Variants in FAM193A observed in about 807,000 individuals in gnomAD.
FAM193A encodes protein FAM193A.
FAM193A carries 22 observed loss-of-function variants against 126.5 expected under a neutral mutation model. That is an observed-to-expected ratio of 0.17 (90% CI 0.12 to 0.25). The LOEUF (loss-of-function observed/expected upper bound fraction) is 0.25. Ranked by LOEUF, FAM193A falls within the 10% of genes least tolerant of loss-of-function variation. The probability of loss-of-function intolerance (pLI) is 1.00; values close to 1 mark genes in which losing one functional copy is unlikely to be tolerated. For missense variants in FAM193A, 1,675 were observed against 1,672.8 expected (o/e 1.00, Z -0.02); for synonymous variants, 761 against 646.8 (o/e 1.18, Z -2.68).
Position 2,631,113 on chromosome 4 carries a change from G to A in FAM193A, c.982G>A (p.Glu328Lys). The A allele has an allele frequency of 6.2e-7, 1 of 1,613,906 alleles. No individual in the cohort carries two copies. The highest frequency in any genetic ancestry group is 8.5e-7 in the Non-Finnish European group (1 of 1,179,980). ...AHQFISLLLE[E>K]YGALCQAARS... ...CCAGTTCATCTCCCTCCTGCTTGAG[G>A]AGTACGGCGCCCTCTGCCAGGCCGC... is the stretch of plus-strand genomic sequence containing the variant. The change falls in exon 5 of 21, where the codon GAG (glutamate) becomes AAG (lysine). Residue 328 changes from glutamate to lysine, a missense_variant. Physicochemically the swap from Glu to Lys is moderately conservative, Grantham distance 56. Transcript: ENST00000637812.
At chr4:2,677,135 G>A (rs1256955004) in intron 13 of FAM193A, among the ~76,000 whole-genome samples, 1 of 152,058 alleles carries the variant, frequency 6.6e-6, no homozygotes, top group Non-Finnish European at 1.5e-5. Context: ...TATGGTGTTA[G>A]GTAAGGGTCC....
In FAM193A at chr4:2,536,657, C is replaced by G. The variant is rs1441032541; in HGVS notation, c.-259C>G. 13 of 151,298 alleles carry G rather than the reference C, an allele frequency of 8.6e-5. No individual in the cohort carries two copies. The highest frequency in any genetic ancestry group is 3.1e-4 in the African/African-American group (13 of 41,350). 9.4% of individuals were successfully genotyped at this position (151,298 alleles called of 1,614,324 possible). A position where few individuals can be genotyped will look rare whatever the true frequency, so the allele number is the denominator to read the frequency against. ...CCGACGTAAACTGGGATCCCTTTCC[C>G]CTTGTGTCCGCCATATTGGACTCTA... On this transcript the variant is annotated 5_prime_UTR_variant, in exon 1 of 21. Coordinates refer to ENST00000637812, the MANE Select transcript of FAM193A (RefSeq NM_001366318.2).
chr4:2,574,273 G>A (rs1432416134), intron 1 of FAM193A, among the ~76,000 whole-genome samples: 1 of 152,060 alleles, frequency 6.6e-6, no homozygotes, highest in South Asian at 2.1e-4. Flanking sequence ...TGTGGAACAT[G>A]GGGAGTGGAG....
At chr4:2,654,377 A>AC (rs1745962481) in intron 7 of FAM193A, 2 of 90,248 alleles carry the variant, frequency 2.2e-5, no homozygotes, top group African/African-American at 9.5e-5. Context: ...ATGCCTGGCT[A>AC]ATTTTTTTTT....
intron 20 of FAM193A, among the ~76,000 whole-genome samples, chr4:2,717,415 G>C (rs997391590): frequency 6.6e-6 from 1 of 152,030 alleles, no homozygotes; most frequent in Non-Finnish European, 1.5e-5. Flanking sequence ...GGCCAACATG[G>C]TGAAACCCCG....
chr4:2,679,669 C>T (rs1377586208), intron 13 of FAM193A, among the ~76,000 whole-genome samples: 1 of 151,998 alleles, frequency 6.6e-6, no homozygotes. Flanking sequence ...TGAGCCACCG[C>T]GCCCGACCCT....
intron 13 of FAM193A, among the ~76,000 whole-genome samples, chr4:2,682,642 C>T (rs1159623277): frequency 1.3e-5 from 2 of 152,120 alleles, no homozygotes; most frequent in Non-Finnish European, 2.9e-5. Flanking sequence ...GTTTTATCTC[C>T]TCTGTTAGTA....
chr4:2,542,665 T>A (rs1737302503), intron 1 of FAM193A, among the ~76,000 whole-genome samples: 1 of 152,172 alleles, frequency 6.6e-6, no homozygotes, highest in Non-Finnish European at 1.5e-5. Context: ...CAAAACAGTA[T>A]CAACCAGAAA....
chr4:2,549,675 C>A (rs1330527592), intron 1 of FAM193A, among the ~76,000 whole-genome samples: 1 of 151,710 alleles, frequency 6.6e-6, no homozygotes, highest in Admixed American at 6.6e-5. Flanking sequence ...GGATTACAGG[C>A]GTGAGCCACC....
chr4:2,660,170 G>T, intron 10 of FAM193A, 116 bp downstream of exon 10: 1 of 1,130,924 alleles, frequency 8.8e-7, no homozygotes. Context: ...TCATGACAAG[G>T]GACCCTGAGG....
intron 6 of FAM193A, among the ~76,000 whole-genome samples, chr4:2,640,715 A>G (rs1327000162): frequency 2.0e-5 from 3 of 152,106 alleles, no homozygotes; most frequent in East Asian, 1.9e-4. Flanking sequence ...TGTAATTCCA[A>G]CACTTTGGGA....
Position 2,663,225 on chromosome 4 carries a change from C to T in FAM193A, c.2016C>T (p.Ser672=). ...GAPKEDGVLG[S]RSPRTEESKA... ...CGAAGGAAGATGGAGTGCTGGGAAG[C>T]AGGAGCCCCAGGACAGAGGAGAGCA... Residue 672 remains serine, a synonymous_variant, in exon 12 of 21, where the codon AGC becomes AGT. Coordinates refer to ENST00000637812, the MANE Select transcript of FAM193A (RefSeq NM_001366318.2). 6.2e-7 allele frequency: 1 copy of T among 1,614,046 alleles called. No individual in the cohort carries two copies. The highest frequency in any genetic ancestry group is 8.5e-7 in the Non-Finnish European group (1 of 1,180,018).
rs112890338 is a variant in FAM193A, at chr4:2,711,768, A to G, written c.4373-4255A>G. On this transcript the variant is annotated intron_variant, in intron 19 of 20. Transcript: ENST00000637812. The stretch of plus-strand genomic sequence containing the variant: ...GTTCGGAAACCCTGTATCTACTAAA[A>G]ATACAAAAATTAGCTGGACGTGGTG... 2.0e-4 allele frequency among the ~76,000 whole-genome samples: 31 copies of G among 152,084 alleles called. 3 individuals are homozygous for G. The highest frequency in any genetic ancestry group is 7.0e-4 in the African/African-American group (29 of 41,534).
intron 7 of FAM193A, among the ~76,000 whole-genome samples, chr4:2,647,581 A>G (rs1313773290): frequency 1.3e-5 from 2 of 152,182 alleles, no homozygotes; most frequent in Non-Finnish European, 2.9e-5. Flanking sequence ...GGTGGAAGAC[A>G]GAAGAGGGAG....
At chr4:2,618,851 C>T (rs1742367455) in intron 2 of FAM193A, among the ~76,000 whole-genome samples, 1 of 152,034 alleles carries the variant, frequency 6.6e-6, no homozygotes, top group Non-Finnish European at 1.5e-5. Context: ...CACCCTCGGC[C>T]TCCCAAAGTG....
rs183821584 is a variant in FAM193A, at chr4:2,581,382, T to C, written c.256-14702T>C. Among the ~76,000 whole-genome samples the C allele has an allele frequency of 4.0e-3, 604 of 150,930 alleles. 4 individuals are homozygous for C. Among genetic ancestry groups the C allele is most frequent in the African/African-American group, 0.014 (585 of 41,162 alleles). ...AATTCTCCTGCCTCAGCCTCCCGAG[T>C]AGCTGGGATTACAGGTGCATGCCAC... On this transcript the variant is annotated intron_variant, in intron 1 of 20. Coordinates refer to ENST00000637812, the MANE Select transcript of FAM193A (RefSeq NM_001366318.2).
intron 20 of FAM193A, among the ~76,000 whole-genome samples, chr4:2,716,956 G>A (rs1439955160): frequency 6.6e-6 from 1 of 152,002 alleles, no homozygotes; most frequent in Admixed American, 6.6e-5. Context: ...GATTACAGGC[G>A]TGAGCCACCG....
intron 13 of FAM193A, among the ~76,000 whole-genome samples, chr4:2,677,110 T>G (rs1446915873): frequency 2.0e-5 from 3 of 152,224 alleles, no homozygotes; most frequent in African/African-American, 7.2e-5. Flanking sequence ...ATCCATTTTT[T>G]AGTTCATTTT....
intron 6 of FAM193A, among the ~76,000 whole-genome samples, chr4:2,644,170 G>A (rs1744906353): frequency 6.6e-6 from 1 of 152,168 alleles, no homozygotes; most frequent in East Asian, 1.9e-4. Context: ...GAAGCCCTGT[G>A]CCTGCAGATT....
Sources: gnomAD v4.1 joint callset for allele counts (sites outside exome capture counted in the v4.1 genomes callset) on GRCh38, gnomAD v4.1.1 for gene constraint, MANE v1.5 for transcripts, NCBI Gene and HGNC (gene_info 2026-07-23, HGNC 2026-07-21) for gene names.